The following GRHL2 variants were observed in gnomAD, a reference collection of about 807,000 sequenced individuals.
GRHL2 encodes grainyhead-like protein 2 homolog.
In GRHL2, 21 loss-of-function variants were observed where a neutral mutation model predicts 83.8. The observed-to-expected ratio is 0.25, with a 90% confidence interval of 0.18 to 0.36. The LOEUF is 0.36. GRHL2 is among the 10% of genes least tolerant of loss of function. The pLI is 1.00. For synonymous variants in GRHL2, 280 were observed against 278.9 expected, an observed-to-expected ratio of 1.00 and a Z score of -0.04; for missense variants, 623 against 781.8, an observed-to-expected ratio of 0.80 and a Z score of 2.42.
At chr8:101,615,080 C>T (rs1812826812) in intron 8 of GRHL2, among the ~76,000 whole-genome samples, 1 of 152,220 alleles carries the variant, frequency 6.6e-6, no homozygotes, top group Non-Finnish European at 1.5e-5. Flanking sequence ...GGACCTCTCT[C>T]TATTGAGAGA....
chr8:101,510,858 G>A (rs920097455), intron 1 of GRHL2, among the ~76,000 whole-genome samples: 17 of 152,178 alleles, frequency 1.1e-4, no homozygotes, highest in Non-Finnish European at 2.1e-4. Context: ...ACTTTGGGAG[G>A]CTGAGGCAGG....
chr8:101,570,533 TC>T (rs1811800840), intron 5 of GRHL2, 139 bp downstream of exon 5: 8 of 755,604 alleles, frequency 1.1e-5, no homozygotes, highest in Non-Finnish European at 1.6e-5. Context: ...AGTGCTTTTT[TC>T]TTTATACAAA....
chr8:101,586,065 C>CTTTTTTTTTTTTTTTTTTTTG (rs1812159010), intron 7 of GRHL2, among the ~76,000 whole-genome samples: 1 of 94,382 alleles, frequency 1.1e-5, no homozygotes, highest in Non-Finnish European at 2.1e-5. Context: ...CCTCATGTTT[C>CTTTTTTTTTTTTTTTTTTTTG]TTTTTTTTTT....
At chr8:101,507,764 T>G (rs1029316167) in intron 1 of GRHL2, among the ~76,000 whole-genome samples, 62 of 141,644 alleles carry the variant, frequency 4.4e-4, no homozygotes, top group Non-Finnish European at 1.9e-4. Flanking sequence ...ACTTGAATGA[T>G]TATCCCTTTT....
At chr8:101,544,627 T>A (rs1811222686) in intron 2 of GRHL2, among the ~76,000 whole-genome samples, 1 of 152,218 alleles carries the variant, frequency 6.6e-6, no homozygotes, top group African/African-American at 2.4e-5. Flanking sequence ...TTGGCACAAA[T>A]GTGAGGATGG....
At chr8:101,597,023 T>C (rs1812404855) in intron 7 of GRHL2, among the ~76,000 whole-genome samples, 1 of 152,182 alleles carries the variant, frequency 6.6e-6, no homozygotes, top group Admixed American at 6.5e-5. Flanking sequence ...TTAAAAGCGG[T>C]AGAAGAAGTG....
chr8:101,587,863 C>T (rs1812199915), intron 7 of GRHL2, among the ~76,000 whole-genome samples: 1 of 152,192 alleles, frequency 6.6e-6, no homozygotes, highest in Non-Finnish European at 1.5e-5. Flanking sequence ...CTCCCTGTGG[C>T]CTTCAATAGA....
chr8:101,580,727 G>T (rs1193711081), intron 7 of GRHL2, among the ~76,000 whole-genome samples: 2 of 151,514 alleles, frequency 1.3e-5, no homozygotes, highest in Admixed American at 1.3e-4. Context: ...TTTTTGAGAC[G>T]GCATCTTGCT....
intron 9 of GRHL2, among the ~76,000 whole-genome samples, chr8:101,620,579 C>T (rs1025755493): frequency 2.6e-5 from 4 of 152,154 alleles, no homozygotes; most frequent in African/African-American, 7.2e-5. Context: ...AACAGCAAAA[C>T]TTAAAACCCT....
At chr8:101,678,570 G>A in the GRHL2 span, among the ~76,000 whole-genome samples, 4 of 151,916 alleles carry the variant, frequency 2.6e-5, no homozygotes, top group Admixed American at 2.6e-4. Context: ...CGAACTGGGT[G>A]GAGCCCACCA....
At chr8:101,595,661 T>C (rs568543000) in intron 7 of GRHL2, among the ~76,000 whole-genome samples, 3 of 152,202 alleles carry the variant, frequency 2.0e-5, no homozygotes, top group Non-Finnish European at 4.4e-5. Flanking sequence ...TCGTATAACC[T>C]TATTCTAAAT....
At chr8:101,617,147 A>G (rs924562179) in intron 8 of GRHL2, among the ~76,000 whole-genome samples, 2 of 151,992 alleles carry the variant, frequency 1.3e-5, no homozygotes, top group Middle Eastern at 3.2e-3. Flanking sequence ...CAATTTCATT[A>G]CTGATGGTCC....
At position 101,668,369 on chromosome 8, in the gene GRHL2, A is replaced by G. The variant is rs912625820; in HGVS notation, c.*1666A>G. The G allele has an allele frequency of 6.6e-6, 1 of 152,500 alleles. No homozygotes were observed. Among genetic ancestry groups the G allele is most frequent in the Non-Finnish European group, 1.5e-5 (1 of 68,054 alleles). 9.4% of individuals were successfully genotyped at this position (152,500 alleles called of 1,614,324 possible). ...TAAGGGCTTCCTGCGCTCCCACCTC[A>G]TCTGTCCCTGAGATGCAGAGCAGGA... is the stretch of plus-strand genomic sequence containing the variant. On this transcript the variant is annotated 3_prime_UTR_variant, in exon 16 of 16. Transcript: ENST00000646743.
intron 4 of GRHL2, among the ~76,000 whole-genome samples, chr8:101,567,202 T>C (rs559007029): frequency 6.6e-6 from 1 of 152,340 alleles, no homozygotes; most frequent in East Asian, 1.9e-4. Context: ...TTGCCTAATG[T>C]CTAAGGTCCT....
rs1467188867 is a variant in GRHL2 at position 101,624,126 on chromosome 8, ACACAGTAGGACAGTT to A, written c.1257+4444_1257+4458del. Among the ~76,000 whole-genome samples, 1,216 of 151,376 alleles carry A rather than the reference ACACAGTAGGACAGTT, an allele frequency of 8.0e-3. 20 individuals are homozygous for A. Among genetic ancestry groups the A allele is most frequent in the African/African-American group, 0.028 (1,158 of 41,142 alleles). ...AGTTTACAGTACACAGTAGGACAGT[ACACAGTAGGACAGTT>A]CACAGTAGGACAGTGCACAGTAGGA... On this transcript the variant is annotated intron_variant, in intron 9 of 15. Transcript: ENST00000646743.
intron 8 of GRHL2, among the ~76,000 whole-genome samples, chr8:101,603,826 G>T (rs962386344): frequency 6.6e-5 from 10 of 152,036 alleles, no homozygotes; most frequent in African/African-American, 2.2e-4. Flanking sequence ...TATCTAGGAG[G>T]ACAAGGTTCT....
chr8:101,673,515 ATATATTTAG>A (rs1814242293), downstream of GRHL2, among the ~76,000 whole-genome samples: 1 of 105,524 alleles, frequency 9.5e-6, no homozygotes, highest in Non-Finnish European at 1.9e-5. Flanking sequence ...TCCTAAATAT[ATATATTTAG>A]GATATATATA....
chr8:101,616,141 CTT>C, intron 8 of GRHL2, among the ~76,000 whole-genome samples: 1 of 127,576 alleles, frequency 7.8e-6, no homozygotes, highest in African/African-American at 2.9e-5. Context: ...TTCTTTCTTT[CTT>C]TCTCTCTCTC....
At chr8:101,559,917 T>G (rs1307762007) in intron 4 of GRHL2, among the ~76,000 whole-genome samples, 1 of 152,230 alleles carries the variant, frequency 6.6e-6, no homozygotes, top group Non-Finnish European at 1.5e-5. Flanking sequence ...TAAAATTTCA[T>G]GTAAATGAAG....
Sources: gnomAD v4.1 joint callset for allele counts (sites outside exome capture counted in the v4.1 genomes callset) on GRCh38, gnomAD v4.1.1 for gene constraint, MANE v1.5 for transcripts, NCBI Gene and HGNC (gene_info 2026-07-23, HGNC 2026-07-21) for gene names.